ADARB2: variants seen among roughly 807,000 people sequenced by gnomAD.
The protein encoded by ADARB2 is inactive double-stranded RNA-specific editase B2.
Under a neutral mutation model 62.2 loss-of-function variants are expected in ADARB2, and 25 were observed. That is an observed-to-expected ratio of 0.40 (90% CI 0.29 to 0.56). ADARB2 has a LOEUF of 0.56. ADARB2 is among the 20% of genes least tolerant of loss of function. The pLI is 0.43. For missense variants in ADARB2, 1,071 were observed against 1,077.4 expected (o/e 0.99, Z 0.08); for synonymous variants, 572 against 500.8 (o/e 1.14, Z -1.90).
At chr10:1,317,751 C>G (rs1831752383) in intron 3 of ADARB2, among the ~76,000 whole-genome samples, 1 of 56,972 alleles carries the variant, frequency 1.8e-5, no homozygotes, top group African/African-American at 1.6e-4. Flanking sequence ...AGGGGTAGGC[C>G]TGGGGGGGGG....
In ADARB2 at chr10:1,308,035, C is replaced by G. The variant is rs561425989; in HGVS notation, c.1078-36966G>C. On this transcript the variant is annotated intron_variant, in intron 3 of 9. Transcript: ENST00000381312. The stretch of plus-strand genomic sequence containing the variant: ...GCATGGCACATGTATACATATGTAA[C>G]TAACCTGCACAATGTGCACATGTAC... 2.0e-5 allele frequency among the ~76,000 whole-genome samples: 3 copies of G among 149,868 alleles called. No individual in the cohort carries two copies. The South Asian group carries it at 6.5e-4, about 33-fold the overall frequency.
chr10:1,276,391 G>T (rs1450718974), intron 3 of ADARB2, among the ~76,000 whole-genome samples: 1 of 152,120 alleles, frequency 6.6e-6, no homozygotes, highest in African/African-American at 2.4e-5. Context: ...TGAGTTCATT[G>T]TAGATTCTGG....
At chr10:1,498,430 G>A (rs947172012) in intron 1 of ADARB2, among the ~76,000 whole-genome samples, 38 of 151,342 alleles carry the variant, frequency 2.5e-4, no homozygotes, top group African/African-American at 9.0e-4. Flanking sequence ...TAAAAACAAA[G>A]GAAAAGAAAA....
chr10:1,689,761 G>A (rs1834645725), intron 1 of ADARB2, among the ~76,000 whole-genome samples: 2 of 152,216 alleles, frequency 1.3e-5, no homozygotes, highest in Non-Finnish European at 2.9e-5. Flanking sequence ...ATACGCATAT[G>A]TGTGCAAATA....
intron 1 of ADARB2, among the ~76,000 whole-genome samples, chr10:1,690,501 G>T (rs1037262726): frequency 2.4e-4 from 37 of 152,166 alleles, no homozygotes; most frequent in Admixed American, 6.6e-4. Flanking sequence ...ATGATGCAGT[G>T]ACAGGCATCA....
intron 1 of ADARB2, among the ~76,000 whole-genome samples, chr10:1,609,083 A>G (rs891707043): frequency 6.6e-6 from 1 of 152,182 alleles, no homozygotes; most frequent in Non-Finnish European, 1.5e-5. Flanking sequence ...TCTCAGGAGC[A>G]ATGTGCCTGG....
At chr10:1,595,277 G>A (rs1833317628) in intron 1 of ADARB2, among the ~76,000 whole-genome samples, 1 of 152,196 alleles carries the variant, frequency 6.6e-6, no homozygotes, top group African/African-American at 2.4e-5. Context: ...ATGCGCTGAA[G>A]AACAGCTTGC....
chr10:1,673,136 T>G (rs1564364244), intron 1 of ADARB2, among the ~76,000 whole-genome samples: 1 of 152,058 alleles, frequency 6.6e-6, no homozygotes, highest in Non-Finnish European at 1.5e-5. Flanking sequence ...GACCTGAGAG[T>G]TGATGGATAA....
At chr10:1,548,435 A>C (rs959492082) in intron 1 of ADARB2, among the ~76,000 whole-genome samples, 1 of 152,250 alleles carries the variant, frequency 6.6e-6, no homozygotes, top group African/African-American at 2.4e-5. Flanking sequence ...GACCCCCGGC[A>C]TAGCCAAAGA....
chr10:1,671,872 C>G (rs930802157), intron 1 of ADARB2, among the ~76,000 whole-genome samples: 2 of 152,078 alleles, frequency 1.3e-5, no homozygotes, highest in Non-Finnish European at 2.9e-5. Context: ...CTTCCCTTTT[C>G]CCTTCTCACT....
chr10:1,610,612 A>C (rs562482159), intron 1 of ADARB2, among the ~76,000 whole-genome samples: 1 of 152,282 alleles, frequency 6.6e-6, no homozygotes, highest in East Asian at 1.9e-4. Flanking sequence ...TCCTCGTCAG[A>C]GCCCTCGTCT....
In ADARB2 at chr10:1,363,848, C is replaced by A. The variant is rs766449261; in HGVS notation, c.257G>T (p.Gly86Val). ...GNLAARPPPS[G>V]DRARGGAPGA... ...GGGCGCGCCGCCCCGGGCCCGGTCCCCGGAGGGCGGTGGCCGCGCGGCCAG... is the reference window on the plus strand; with the variant it reads ...GGGCGCGCCGCCCCGGGCCCGGTCCACGGAGGGCGGTGGCCGCGCGGCCAG... The change falls in exon 3 of 10, where the codon GGG becomes GTG. Residue 86 changes from glycine (G) to valine (V), a missense_variant. Gly to Val is a moderately radical substitution (Grantham distance 109). Coordinates refer to ENST00000381312, the MANE Select transcript of ADARB2 (RefSeq NM_018702.4). 3.2e-6 allele frequency: 5 copies of A among 1,539,944 alleles called. No individual in the cohort carries two copies. The African/African-American group carries it at 5.5e-5, about 17-fold the overall frequency.
chr10:1,648,692 G>C (rs1834074705), intron 1 of ADARB2, among the ~76,000 whole-genome samples: 1 of 152,190 alleles, frequency 6.6e-6, no homozygotes, highest in Admixed American at 6.5e-5. Context: ...GGCATGTTCA[G>C]AAGATGAATC....
intron 3 of ADARB2, among the ~76,000 whole-genome samples, chr10:1,349,582 T>C (rs1832114631): frequency 6.6e-6 from 1 of 152,142 alleles, no homozygotes; most frequent in Non-Finnish European, 1.5e-5. Flanking sequence ...AGTGGCCTCT[T>C]TTTTACTCTC....
chr10:1,523,696 A>G (rs1225410574), intron 1 of ADARB2, among the ~76,000 whole-genome samples: 1 of 152,226 alleles, frequency 6.6e-6, no homozygotes, highest in African/African-American at 2.4e-5. Flanking sequence ...AGTATCACTG[A>G]AATAAAATCA....
At chr10:1,475,117 C>A (rs984515561) in intron 1 of ADARB2, among the ~76,000 whole-genome samples, 1 of 152,156 alleles carries the variant, frequency 6.6e-6, no homozygotes, top group East Asian at 1.9e-4. Flanking sequence ...AACGCGGCGT[C>A]GTCAAGCTCA....
At chr10:1,217,303 C>T (rs11250341) in intron 6 of ADARB2, among the ~76,000 whole-genome samples, 184 bp from the exon 7 acceptor site, 36,458 of 152,104 alleles carry the variant, frequency 0.24, 5,421 homozygotes, top group East Asian at 0.44. Context: ...CACACCATCC[C>T]GCCTGGGCCG....
Position 1,363,314 on chromosome 10 carries a change from AC to A in ADARB2, c.790del (p.Val264TrpfsTer20). The A allele has an allele frequency of 8.1e-7, 1 of 1,234,142 alleles. No individual in the cohort carries two copies. The highest frequency in any genetic ancestry group is 1.0e-6 in the Non-Finnish European group (1 of 988,396). 76.4% of individuals were successfully genotyped at this position (1,234,142 alleles called of 1,614,324 possible). A position where few individuals can be genotyped will look rare whatever the true frequency, so the allele number is the denominator to read the frequency against. ...CGCGGGGGTGGCGGGGGTCGGGCCC[AC>A]CAGGTCCAGCGCGCGGCACAGCAGC... ...RRLLCRALDL[V>X]GPTPATPAAP... On this transcript the variant is annotated frameshift_variant, in exon 3 of 10. Transcript: ENST00000381312. LOFTEE classifies it high-confidence loss of function.
chr10:1,327,882 G>GCCTCCCCACAGCACAGCA (rs1554754563), intron 3 of ADARB2, among the ~76,000 whole-genome samples: 26 of 55,396 alleles, frequency 4.7e-4, no homozygotes, highest in African/African-American at 1.3e-3. Context: ...ACAGCTCAGC[G>GCCTCCCCACAGCACAGCA]CCTCCTCACA....
Sources: gnomAD v4.1 joint callset for allele counts (sites outside exome capture counted in the v4.1 genomes callset) on GRCh38, gnomAD v4.1.1 for gene constraint, MANE v1.5 for transcripts, NCBI Gene and HGNC (gene_info 2026-07-23, HGNC 2026-07-21) for gene names.